Variants in PARD3B observed in about 807,000 individuals in gnomAD.
PARD3B encodes par-3 family cell polarity regulator beta, also known as partitioning defective 3 homolog B.
In PARD3B, 103 loss-of-function variants were observed where a neutral mutation model predicts 130.2. The observed-to-expected ratio is 0.79, with a 90% confidence interval of 0.67 to 0.93. PARD3B has a LOEUF of 0.93. PARD3B is among the 40% of genes least tolerant of loss of function. PARD3B has a pLI of 0.00. For missense variants in PARD3B, 1,609 were observed against 1,499.2 expected (o/e 1.07, Z -1.21); for synonymous variants, 583 against 553.2 (o/e 1.05, Z -0.76).
chr2:205,106,634 T>G (rs16836950), intron 5 of PARD3B, among the ~76,000 whole-genome samples: 33,283 of 151,874 alleles, frequency 0.22, 4,044 homozygotes, highest in East Asian at 0.4. Flanking sequence ...AGAGACTTAA[T>G]TGACACCCAC....
Position 204,664,017 on chromosome 2 carries a change from C to T in PARD3B, c.121-22164C>T, listed in dbSNP as rs1043976305. Among the ~76,000 whole-genome samples, 1 of 152,150 alleles carries T rather than the reference C, an allele frequency of 6.6e-6. No individual in the cohort carries two copies. The highest frequency in any genetic ancestry group is 1.5e-5 in the Non-Finnish European group (1 of 68,034). On this transcript the variant is annotated intron_variant, in intron 1 of 22. Transcript: ENST00000406610. This position sits in a 1 kb window ranked among gnomAD's most constrained non-coding sequence, Gnocchi z 5.2. ...AACTCTTTTCAGTATCCAAACATGA[C>T]AGTAAACTCATATTGTTCAAAGAAT...
intron 20 of PARD3B, among the ~76,000 whole-genome samples, chr2:205,495,014 G>A (rs2049873288): frequency 6.6e-6 from 1 of 152,170 alleles, no homozygotes; most frequent in Non-Finnish European, 1.5e-5. Flanking sequence ...AGGAGGAGAT[G>A]AAGGCATGCA....
chr2:204,836,332 A>G (rs889783492), intron 2 of PARD3B, among the ~76,000 whole-genome samples: 2 of 152,232 alleles, frequency 1.3e-5, no homozygotes, highest in African/African-American at 4.8e-5. Context: ...TCATAAACAT[A>G]CAAAATAGGT....
At position 205,300,408 on chromosome 2, in the gene PARD3B, C is replaced by G. The variant is rs1030070492; in HGVS notation, c.2186-122C>G. 3 of 880,560 alleles carry G rather than the reference C, an allele frequency of 3.4e-6. No individual in the cohort carries two copies. The African/African-American group carries it at 5.0e-5, about 15-fold the overall frequency. 54.5% of individuals were successfully genotyped at this position (880,560 alleles called of 1,614,324 possible). ...AGGTGGCAAAGCTGGAGTATAACCC[C>G]AACTCCCACCCACTTAACACCCCTT... On this transcript the variant is annotated intron_variant, in intron 16 of 22. Coordinates refer to ENST00000406610, the MANE Select transcript of PARD3B (RefSeq NM_001302769.2). The surrounding 1 kb of genome is among the most constrained non-coding windows in gnomAD (Gnocchi z 4.1).
chr2:204,686,085 T>G (rs2037064257), intron 1 of PARD3B, 96 bp from the exon 2 acceptor site: 10 of 827,968 alleles, frequency 1.2e-5, no homozygotes, highest in Non-Finnish European at 2.0e-5. Flanking sequence ...TACTAGAACA[T>G]ATTTTTAACA....
chr2:205,078,919 A>G lies in PARD3B; in HGVS notation c.505-25507A>G, dbSNP rs905399359. On this transcript the variant is annotated intron_variant, in intron 4 of 22. Transcript: ENST00000406610. The surrounding 1 kb of genome is among the most constrained non-coding windows in gnomAD (Gnocchi z 4.0). Reference sequence around the variant, plus strand: ...ATCTCCCAGCTTCCAGCTCGCATCAATGGCCAGCCACGTAAGTGAGCCGTC... The same window carrying G: ...ATCTCCCAGCTTCCAGCTCGCATCAGTGGCCAGCCACGTAAGTGAGCCGTC... Among the ~76,000 whole-genome samples, 7 of 152,298 alleles carry G rather than the reference A, an allele frequency of 4.6e-5. No homozygotes were observed. In the South Asian group the frequency reaches 6.2e-4, roughly 14 times the overall value.
Position 205,558,076 on chromosome 2 carries a change from T to C in PARD3B, c.3260+4673T>C, listed in dbSNP as rs73060165. 3.9e-3 allele frequency among the ~76,000 whole-genome samples: 591 copies of C among 152,278 alleles called. 2 individuals carry two copies. The highest frequency in any genetic ancestry group is 0.013 in the African/African-American group (560 of 41,564). ...CTGGATGGTCAAGTGCAAGAGAACA[T>C]AGCAATCTACTGTGATCTGAGTGAT... On this transcript the variant is annotated intron_variant, in intron 22 of 22. Transcript: ENST00000406610. This position sits in a 1 kb window ranked among gnomAD's most constrained non-coding sequence, Gnocchi z 4.8.
intron 10 of PARD3B, among the ~76,000 whole-genome samples, chr2:205,156,857 A>G (rs919013097): frequency 4.6e-5 from 7 of 152,228 alleles, no homozygotes; most frequent in Non-Finnish European, 8.8e-5. Context: ...ATGATAATGC[A>G]ACCTGATTTC....
At chr2:204,772,106 C>G (rs1574944328) in intron 2 of PARD3B, among the ~76,000 whole-genome samples, 1 of 152,022 alleles carries the variant, frequency 6.6e-6, no homozygotes, top group Admixed American at 6.6e-5. Context: ...GGAGATTAGG[C>G]AATTTCTAAA....
chr2:205,507,732 A>G (rs920955429), intron 21 of PARD3B, among the ~76,000 whole-genome samples: 1 of 152,184 alleles, frequency 6.6e-6, no homozygotes, highest in African/African-American at 2.4e-5. Flanking sequence ...AACTTTCTTC[A>G]TCTTCTTAGA....
chr2:205,278,020 A>G (rs567569568), intron 16 of PARD3B, among the ~76,000 whole-genome samples: 1 of 152,310 alleles, frequency 6.6e-6, no homozygotes, highest in Non-Finnish European at 1.5e-5. Context: ...GAGAAGAACC[A>G]GGTAGCACCA....
At chr2:205,219,567 A>G (rs115015802) in intron 15 of PARD3B, among the ~76,000 whole-genome samples, 26 of 148,168 alleles carry the variant, frequency 1.8e-4, no homozygotes, top group African/African-American at 6.5e-4. Flanking sequence ...CAGAAGAGAA[A>G]TTTTTTGATA....
At chr2:205,270,323 C>T (rs556742395) in intron 16 of PARD3B, among the ~76,000 whole-genome samples, 32 of 152,050 alleles carry the variant, frequency 2.1e-4, no homozygotes, top group Non-Finnish European at 4.1e-4. Flanking sequence ...AATCCCAGCA[C>T]TTTGGGAGGC....
At chr2:205,147,156 A>G (rs2033424430) in intron 10 of PARD3B, among the ~76,000 whole-genome samples, 1 of 152,262 alleles carries the variant, frequency 6.6e-6, no homozygotes, top group Non-Finnish European at 1.5e-5. Flanking sequence ...AATATAAACA[A>G]AGCAAGTTGT....
rs2036199053 is a variant in PARD3B, at chr2:204,669,680, A to G, written c.121-16501A>G. Among the ~76,000 whole-genome samples, 1 of 152,184 alleles carries G rather than the reference A, an allele frequency of 6.6e-6. No homozygotes were observed. The highest frequency in any genetic ancestry group is 2.1e-4 in the South Asian group (1 of 4,830). On this transcript the variant is annotated intron_variant, in intron 1 of 22. Transcript: ENST00000406610. The surrounding 1 kb of genome is among the most constrained non-coding windows in gnomAD (Gnocchi z 4.3). ...TTTTCAACTTTTGGAATCAAATTAT[A>G]GAGAAAGTATGGTTATCATTACAGA...
At chr2:204,625,574 C>A (rs962433355) in intron 1 of PARD3B, among the ~76,000 whole-genome samples, 1 of 152,120 alleles carries the variant, frequency 6.6e-6, no homozygotes, top group Admixed American at 6.6e-5. Flanking sequence ...GATTTCAGAT[C>A]TCTCTCCTGC....
chr2:205,617,998 T>A lies in PARD3B; in HGVS notation c.*2185T>A, dbSNP rs2055489124. 1 of 152,000 alleles carries A rather than the reference T, an allele frequency of 6.6e-6. No individual in the cohort carries two copies. The highest frequency in any genetic ancestry group is 1.5e-5 in the Non-Finnish European group (1 of 68,020). The allele number at this position is 152,000 out of a possible 1,614,324, so 9.4% of individuals were successfully genotyped here. ...GTGAGAATCCTGTGTCTTGAAGGAGTGGCCTTTACAGGAAGAGTGCCCATG... is the reference window on the plus strand; with the variant it reads ...GTGAGAATCCTGTGTCTTGAAGGAGAGGCCTTTACAGGAAGAGTGCCCATG... On this transcript the variant is annotated 3_prime_UTR_variant, in exon 23 of 23. Transcript: ENST00000406610.
At chr2:204,616,237 T>C (rs1237597176) in intron 1 of PARD3B, among the ~76,000 whole-genome samples, 2 of 152,178 alleles carry the variant, frequency 1.3e-5, no homozygotes, top group East Asian at 3.8e-4. Flanking sequence ...AAAAACGTGT[T>C]ATCTAAAATA....
chr2:204,749,235 C>T (rs946957827), intron 2 of PARD3B, among the ~76,000 whole-genome samples: 2 of 151,896 alleles, frequency 1.3e-5, no homozygotes, highest in Non-Finnish European at 2.9e-5. Context: ...GCTTTAAAGC[C>T]ATGGTTTCTA....
Sources: gnomAD v4.1 joint callset for allele counts (sites outside exome capture counted in the v4.1 genomes callset) on GRCh38, gnomAD v4.1.1 for gene constraint, Gnocchi (gnomAD v3.1) non-coding constraint, MANE v1.5 for transcripts, NCBI Gene and HGNC (gene_info 2026-07-23, HGNC 2026-07-21) for gene names.